ANK3: variants seen among roughly 807,000 people sequenced by gnomAD.
ANK3 encodes the protein ankyrin 3.
A neutral mutation model predicts 370.9 loss-of-function variants in ANK3; 57 were observed. That is an observed-to-expected ratio of 0.15 (90% CI 0.12 to 0.19). ANK3 has a LOEUF of 0.19. ANK3 is among the 10% of genes least tolerant of loss of function. The pLI is 1.00. For synonymous variants in ANK3, 1,929 were observed against 1,946.3 expected, an observed-to-expected ratio of 0.99 and a Z score of 0.23; for missense variants, 4,439 against 5,302.1, an observed-to-expected ratio of 0.84 and a Z score of 5.06.
At chr10:60,576,113 A>C (rs535101760) in intron 2 of ANK3, among the ~76,000 whole-genome samples, 1 of 152,320 alleles carries the variant, frequency 6.6e-6, no homozygotes, top group South Asian at 2.1e-4. Flanking sequence ...TTAACCTCAG[A>C]AAAAACATAA....
At chr10:60,669,515 T>C (rs186875391) in intron 1 of ANK3, among the ~76,000 whole-genome samples, 2 of 152,274 alleles carry the variant, frequency 1.3e-5, no homozygotes, top group Admixed American at 1.3e-4. Context: ...ACCACTTCAC[T>C]GGAATGTTTT....
chr10:60,032,619 C>G (rs2073954466), intron 43 of ANK3, among the ~76,000 whole-genome samples: 1 of 152,120 alleles, frequency 6.6e-6, no homozygotes, highest in Non-Finnish European at 1.5e-5. Flanking sequence ...AGTAGCAAGG[C>G]CTTTCTCTTC....
intron 42 of ANK3, among the ~76,000 whole-genome samples, chr10:60,050,112 A>G (rs1279052444): frequency 6.6e-6 from 1 of 152,186 alleles, no homozygotes; most frequent in Non-Finnish European, 1.5e-5. Context: ...ACTCAGAAAA[A>G]CAGAATCAAG....
At chr10:60,633,267 A>G (rs1158811803) in intron 1 of ANK3, among the ~76,000 whole-genome samples, 3 of 152,216 alleles carry the variant, frequency 2.0e-5, no homozygotes, top group African/African-American at 7.2e-5. Flanking sequence ...ATTTTATTGC[A>G]TGCAATAATT....
intron 2 of ANK3, among the ~76,000 whole-genome samples, chr10:60,477,508 G>GACATACACACACAC (rs1279888980): frequency 1.7e-5 from 2 of 116,474 alleles, no homozygotes; most frequent in Non-Finnish European, 3.7e-5. Context: ...CTGACAGACA[G>GACATACACACACAC]ACAGACATAC....
intron 24 of ANK3, among the ~76,000 whole-genome samples, chr10:60,135,415 A>C (rs2094294308): frequency 6.6e-6 from 1 of 152,250 alleles, no homozygotes; most frequent in Non-Finnish European, 1.5e-5. Context: ...ATAGAGCTGC[A>C]GAATATAAAA....
At chr10:60,032,948 T>A (rs1451201336) in intron 43 of ANK3, among the ~76,000 whole-genome samples, 1 of 152,182 alleles carries the variant, frequency 6.6e-6, no homozygotes, top group Non-Finnish European at 1.5e-5. Flanking sequence ...ACACTTGGTA[T>A]AAACTGTGAT....
chr10:60,658,858 A>G (rs1288298926), intron 1 of ANK3, among the ~76,000 whole-genome samples: 1 of 151,352 alleles, frequency 6.6e-6, no homozygotes, highest in Non-Finnish European at 1.5e-5. Flanking sequence ...GAAGCAGAGG[A>G]GAGGTGAAGA....
chr10:60,382,797 C>CTATCTATATATATATA (rs2061711962), intron 1 of ANK3, among the ~76,000 whole-genome samples: 1 of 133,744 alleles, frequency 7.5e-6, no homozygotes, highest in Admixed American at 7.5e-5. Context: ...ATACCTAAAT[C>CTATCTATATATATATA]TATATATATA....
chr10:60,327,107 A>T (rs1264121167), intron 1 of ANK3, among the ~76,000 whole-genome samples: 1 of 152,140 alleles, frequency 6.6e-6, no homozygotes, highest in Non-Finnish European at 1.5e-5. Flanking sequence ...TTTCCTAAAC[A>T]TTCGGTGGGA....
intron 2 of ANK3, among the ~76,000 whole-genome samples, chr10:60,550,544 A>AT (rs1462254750): frequency 6.6e-6 from 1 of 152,014 alleles, no homozygotes; most frequent in African/African-American, 2.4e-5. Context: ...TTTTATTTGT[A>AT]TTTTTCTGGT....
chr10:60,284,340 G>A lies in ANK3; in HGVS notation c.115-4701C>T, dbSNP rs147467771. Among the ~76,000 whole-genome samples, 1,037 of 152,214 alleles carry A rather than the reference G, an allele frequency of 6.8e-3. 7 individuals are homozygous for A. Among genetic ancestry groups the A allele is most frequent in the Middle Eastern group, 0.02 (6 of 294 alleles). ...GATTATTTTAAGCCACCCAGTTTGT[G>A]GTGGTTTACTATGTCAGCCCTAGCA... On this transcript the variant is annotated intron_variant, in intron 1 of 43. Coordinates refer to ENST00000280772, the MANE Select transcript of ANK3 (RefSeq NM_020987.5).
chr10:60,220,193 G>A (rs1474804813), intron 8 of ANK3, among the ~76,000 whole-genome samples: 1 of 151,238 alleles, frequency 6.6e-6, no homozygotes, highest in Non-Finnish European at 1.5e-5. Flanking sequence ...CTGCAGTACA[G>A]TGATTTTTTT....
At chr10:60,285,257 C>T (rs527607562) in intron 1 of ANK3, among the ~76,000 whole-genome samples, 45 of 152,248 alleles carry the variant, frequency 3.0e-4, no homozygotes, top group African/African-American at 1.1e-3. Context: ...AATGTGAGTG[C>T]ACAGCTAGGC....
At chr10:60,543,903 C>T (rs1272320938) in intron 2 of ANK3, among the ~76,000 whole-genome samples, 1 of 150,916 alleles carries the variant, frequency 6.6e-6, no homozygotes, top group Non-Finnish European at 1.5e-5. Context: ...TTCTATAGGA[C>T]ATAGAGTTTA....
chr10:60,139,325 C>T (rs1250765369), intron 23 of ANK3: 1 of 474,536 alleles, frequency 2.1e-6, no homozygotes, highest in African/African-American at 2.0e-5. Context: ...AAATACAAAT[C>T]TGAAAACATT....
intron 1 of ANK3, among the ~76,000 whole-genome samples, chr10:60,630,075 T>C (rs1182396686): frequency 6.6e-6 from 1 of 152,180 alleles, no homozygotes; most frequent in Non-Finnish European, 1.5e-5. Flanking sequence ...TTAAAGGACA[T>C]TAAAGACTCC....
At chr10:60,658,962 G>A (rs2078902514) in intron 1 of ANK3, among the ~76,000 whole-genome samples, 1 of 151,746 alleles carries the variant, frequency 6.6e-6, no homozygotes, top group Non-Finnish European at 1.5e-5. Flanking sequence ...CAGGCAGGAG[G>A]AGAGGAAGGG....
intron 2 of ANK3, among the ~76,000 whole-genome samples, chr10:60,609,537 CTTT>C (rs34817175): frequency 6.7e-6 from 1 of 149,604 alleles, no homozygotes; most frequent in African/African-American, 2.5e-5. Flanking sequence ...TTCTTTTTTC[CTTT>C]TTTTTTTTCC....
Sources: allele counts gnomAD v4.1 joint callset (sites outside exome capture counted in the v4.1 genomes callset), GRCh38; gene constraint gnomAD v4.1.1; transcripts MANE v1.5; gene names NCBI Gene and HGNC (gene_info 2026-07-23, HGNC 2026-07-21).